The following CCDC62 variants were observed in gnomAD, a reference collection of about 807,000 sequenced individuals.
CCDC62 encodes the protein coiled-coil domain-containing protein 62.
CCDC62 carries 72 observed loss-of-function variants against 80.8 expected under a neutral mutation model. The observed-to-expected ratio is 0.89, with a 90% confidence interval of 0.74 to 1.08. The LOEUF is 1.08. Ranked by LOEUF, CCDC62 falls within the 50% of genes least tolerant of loss-of-function variation. The pLI is 0.00. For missense variants in CCDC62, 704 were observed against 809.4 expected, an observed-to-expected ratio of 0.87 and a Z score of 1.58; for synonymous variants, 286 against 296.5, an observed-to-expected ratio of 0.96 and a Z score of 0.36.
chr12:122,781,123 G>C (rs1373406110), intron 2 of CCDC62, 41 bp from the exon 3 acceptor site: 1 of 1,535,584 alleles, frequency 6.5e-7, no homozygotes, highest in Non-Finnish European at 8.9e-7. Context: ...TGCCTTTTAA[G>C]CTGAAGGTGT....
At chr12:122,792,202 GTTT>G (rs760554062) in intron 6 of CCDC62, 81 bp downstream of exon 6, 3,637 of 489,008 alleles carry the variant, frequency 7.4e-3, no homozygotes, top group Middle Eastern at 8.0e-3. Context: ...TCCCAAAATG[GTTT>G]TTTTTTTTTT....
intron 1 of CCDC62, among the ~76,000 whole-genome samples, chr12:122,774,923 A>G (rs1322895950): frequency 2.0e-5 from 3 of 150,292 alleles, no homozygotes; most frequent in Non-Finnish European, 4.4e-5. Flanking sequence ...CCCCGTCTCT[A>G]CTAAAAATAA....
At chr12:122,782,016 C>T (rs1370922230) in intron 3 of CCDC62, among the ~76,000 whole-genome samples, 1 of 146,466 alleles carries the variant, frequency 6.8e-6, no homozygotes, top group Non-Finnish European at 1.5e-5. Flanking sequence ...TACACCCCAG[C>T]CTGGGTGACA....
intron 4 of CCDC62, among the ~76,000 whole-genome samples, chr12:122,786,254 TCTC>T (rs1257820897): frequency 6.6e-6 from 1 of 152,104 alleles, no homozygotes; most frequent in African/African-American, 2.4e-5. Flanking sequence ...TTCACGCCAT[TCTC>T]CTGCCTCAGC....
chr12:122,811,025 T>C (rs1472145694), intron 10 of CCDC62, among the ~76,000 whole-genome samples: 1 of 32,408 alleles, frequency 3.1e-5, no homozygotes, highest in Non-Finnish European at 6.0e-5. Flanking sequence ...TGTTGTGGGG[T>C]GGGGGGAGGG....
chr12:122,820,840 C>A (rs2032377599), intron 11 of CCDC62, among the ~76,000 whole-genome samples: 4 of 129,794 alleles, frequency 3.1e-5, no homozygotes, highest in African/African-American at 2.9e-5. Context: ...GACTCTGTCT[C>A]AAAAAAAAAA....
chr12:122,799,537 G>T (rs1480343171), intron 8 of CCDC62, among the ~76,000 whole-genome samples: 2 of 152,198 alleles, frequency 1.3e-5, no homozygotes, highest in African/African-American at 4.8e-5. Flanking sequence ...ACAACAAGCA[G>T]TGTGGGAATT....
At position 122,788,906 on chromosome 12, in the gene CCDC62, A is replaced by G. The variant is rs368758447; in HGVS notation, c.647A>G (p.Lys216Arg). Residue 216 changes from lysine (K) to arginine (R), a missense_variant, in exon 5 of 13, where the codon AAG becomes AGG. Transcript: ENST00000253079. ...QDYKQKLKAL[K>R]IEVNKLKEDL... ...TATAAGCAGAAATTGAAGGCACTTA[A>G]GATTGAAGTCAACAAACTAAAAGGT... is the stretch of plus-strand genomic sequence containing the variant. 8.1e-5 allele frequency: 129 copies of G among 1,599,116 alleles called. 2 individuals carry two copies. In the Middle Eastern group the frequency reaches 1.2e-3, roughly 14 times the overall value.
At chr12:122,823,258 G>A (rs1027577955) in intron 11 of CCDC62, 108 bp from the exon 12 acceptor site, 2 of 821,786 alleles carry the variant, frequency 2.4e-6, no homozygotes, top group African/African-American at 3.4e-5. Context: ...ACCACGCCCA[G>A]CCTCATCTAA....
intron 5 of CCDC62, among the ~76,000 whole-genome samples, chr12:122,790,359 T>TG (rs1241839653): frequency 6.6e-6 from 1 of 151,762 alleles, no homozygotes; most frequent in Non-Finnish European, 1.5e-5. Context: ...TTAAAACTTT[T>TG]TTTTTAGAAA....
At chr12:122,800,199 G>T (rs1262886126) in intron 8 of CCDC62, among the ~76,000 whole-genome samples, 2 of 138,428 alleles carry the variant, frequency 1.4e-5, no homozygotes, top group East Asian at 4.2e-4. Context: ...GTACATATGG[G>T]GTTTCGTCGT....
chr12:122,777,501 C>G lies in CCDC62; in HGVS notation c.47C>G (p.Ser16Ter). 6.2e-7 allele frequency: 1 copy of G among 1,610,508 alleles called. No individual in the cohort carries two copies. Among genetic ancestry groups the G allele is most frequent in the Non-Finnish European group, 8.5e-7 (1 of 1,177,740 alleles). ...AFLAGRQNIG[S>*]EVEISTIEKQ... ...GCTTTCTATGTTTAGAACATCGGGT[C>G]AGAAGTTGAGATTTCCACTATCGAG... Residue 16 changes from serine (S) to a stop codon, truncating the protein, a stop_gained, in exon 2 of 13, where the codon TCA (serine) becomes TGA (stop). Coordinates refer to ENST00000253079, the MANE Select transcript of CCDC62 (RefSeq NM_201435.5). LOFTEE classifies it high-confidence loss of function.
chr12:122,794,116 C>G (rs2030795566), intron 6 of CCDC62, among the ~76,000 whole-genome samples: 1 of 152,178 alleles, frequency 6.6e-6, no homozygotes. Flanking sequence ...TGATTAATCA[C>G]TTTTTACCCA....
intron 1 of CCDC62, among the ~76,000 whole-genome samples, chr12:122,775,029 G>A (rs1367579802): frequency 7.1e-6 from 1 of 141,498 alleles, no homozygotes; most frequent in African/African-American, 2.6e-5. Flanking sequence ...GGGAGGCAGA[G>A]CTTGCAGTGA....
At chr12:122,815,485 G>A (rs1056520649) in intron 11 of CCDC62, among the ~76,000 whole-genome samples, 29 of 150,922 alleles carry the variant, frequency 1.9e-4, no homozygotes, top group African/African-American at 7.1e-4. Context: ...TCGCTCTGTC[G>A]CCCAGGCCTT....
chr12:122,777,585 T>C lies in CCDC62; in HGVS notation c.131T>C (p.Leu44Pro). ...GAATTAAAAGATCGAGATAAAGAGCTCAATGACATGGTTGCAGTGCACCAG... is the reference window on the plus strand; with the variant it reads ...GAATTAAAAGATCGAGATAAAGAGCCCAATGACATGGTTGCAGTGCACCAG... ...IGELKDRDKE[L>P]NDMVAVHQQQ... is the part of the protein sequence containing the mutation. The change falls in exon 2 of 13, where the codon CTC becomes CCC. Residue 44 changes from leucine to proline, a missense_variant. Physicochemically the swap from Leu to Pro is moderately conservative, Grantham distance 98. Transcript: ENST00000253079. The C allele has an allele frequency of 6.2e-7, 1 of 1,614,100 alleles. No individual in the cohort carries two copies. Among genetic ancestry groups the C allele is most frequent in the Non-Finnish European group, 8.5e-7 (1 of 1,179,982 alleles).
intron 3 of CCDC62, among the ~76,000 whole-genome samples, chr12:122,783,824 C>A (rs2030034056): frequency 6.6e-6 from 1 of 152,154 alleles, no homozygotes; most frequent in Non-Finnish European, 1.5e-5. Flanking sequence ...ACACACCCAG[C>A]CTTCCCCACG....
intron 9 of CCDC62, among the ~76,000 whole-genome samples, chr12:122,805,510 T>TG (rs1491556515): frequency 1.4e-4 from 1 of 7,094 alleles, no homozygotes; most frequent in Non-Finnish European, 5.9e-4. Flanking sequence ...CACCCAGCTC[T>TG]TTTTTTTTTT....
intron 2 of CCDC62, 89 bp downstream of exon 2, chr12:122,777,772 A>G: frequency 1.6e-6 from 2 of 1,226,492 alleles, no homozygotes; most frequent in Non-Finnish European, 2.3e-6. Context: ...GGAAGTAAAG[A>G]CTGCAATCCC....
Sources: allele counts gnomAD v4.1 joint callset (sites outside exome capture counted in the v4.1 genomes callset), GRCh38; gene constraint gnomAD v4.1.1; transcripts MANE v1.5; gene names NCBI Gene and HGNC (gene_info 2026-07-23, HGNC 2026-07-21).